The following GABRB1 variants were observed in gnomAD, a reference collection of about 807,000 sequenced individuals.
The protein encoded by GABRB1 is gamma-aminobutyric acid type A receptor subunit beta1, also known as gamma-aminobutyric acid receptor subunit beta-1.
GABRB1 carries 17 observed loss-of-function variants against 51.6 expected under a neutral mutation model. That is an observed-to-expected ratio of 0.33 (90% CI 0.23 to 0.49). The LOEUF is 0.49. Ranked by LOEUF, GABRB1 falls within the 20% of genes least tolerant of loss-of-function variation. The pLI, the probability that GABRB1 is intolerant of heterozygous loss-of-function variation, is 0.99. For synonymous variants in GABRB1, 247 were observed against 218.9 expected (o/e 1.13, Z -1.14); for missense variants, 410 against 600.6 (o/e 0.68, Z 3.32).
rs549135866 is a variant in GABRB1 at position 47,295,539 on chromosome 4, G to A, written c.462-24588G>A. Among the ~76,000 whole-genome samples the A allele has an allele frequency of 5.7e-3, 868 of 152,176 alleles. 5 individuals are homozygous for A. Among genetic ancestry groups the A allele is most frequent in the African/African-American group, 0.02 (810 of 41,468 alleles). On this transcript the variant is annotated intron_variant, in intron 4 of 8. Transcript: ENST00000295454. ...GAAGATGAAATGAATGAAATGAAGC[G>A]AGAAGGGAAGTTTAGAGAAAAAAGA...
At chr4:47,240,221 A>G (rs1721472569) in intron 4 of GABRB1, among the ~76,000 whole-genome samples, 1 of 152,212 alleles carries the variant, frequency 6.6e-6, no homozygotes, top group Non-Finnish European at 1.5e-5. Context: ...TTTCTGAGCT[A>G]GTTTTTTGAG....
At chr4:47,262,472 T>C (rs1722478318) in intron 4 of GABRB1, among the ~76,000 whole-genome samples, 2 of 152,026 alleles carry the variant, frequency 1.3e-5, no homozygotes, top group Non-Finnish European at 1.5e-5. Context: ...ATCAGAGAAA[T>C]GCAAATCAAA....
At chr4:47,032,073 C>CAAAAA (rs71654859) in intron 2 of GABRB1, 68 bp downstream of exon 2, 83 of 450,880 alleles carry the variant, frequency 1.8e-4, no homozygotes, top group Admixed American at 6.2e-4. Flanking sequence ...AGATAAATGT[C>CAAAAA]AAAAAAAAAA....
chr4:47,069,724 G>A (rs1309151612), intron 3 of GABRB1, among the ~76,000 whole-genome samples: 1 of 152,152 alleles, frequency 6.6e-6, no homozygotes, highest in African/African-American at 2.4e-5. Context: ...GATAGGTTAA[G>A]TGGAAATCTC....
chr4:47,182,180 A>C (rs1269559193), intron 4 of GABRB1, among the ~76,000 whole-genome samples: 1 of 151,970 alleles, frequency 6.6e-6, no homozygotes, highest in Non-Finnish European at 1.5e-5. Context: ...TGTTCTTGAC[A>C]GCATGAGAGC....
At chr4:47,367,473 T>C (rs985199750) in intron 5 of GABRB1, among the ~76,000 whole-genome samples, 1 of 152,204 alleles carries the variant, frequency 6.6e-6, no homozygotes, top group African/African-American at 2.4e-5. Flanking sequence ...ATGACTTCAC[T>C]GCACTTCTCT....
intron 3 of GABRB1, among the ~76,000 whole-genome samples, chr4:47,117,354 G>T (rs1715540560): frequency 6.6e-6 from 1 of 152,160 alleles, no homozygotes; most frequent in South Asian, 2.1e-4. Context: ...CTTTGCATGA[G>T]TAAGTCTCTC....
intron 3 of GABRB1, among the ~76,000 whole-genome samples, chr4:47,136,793 T>G (rs925895420): frequency 2.0e-5 from 3 of 152,078 alleles, no homozygotes; most frequent in African/African-American, 7.2e-5. Context: ...ACTTTATCTC[T>G]CCAAACTAAA....
chr4:47,360,097 T>C (rs574718127), intron 5 of GABRB1, among the ~76,000 whole-genome samples: 6 of 151,314 alleles, frequency 4.0e-5, no homozygotes, highest in African/African-American at 1.4e-4. Flanking sequence ...CACTGGCTGT[T>C]TCTACTCTCT....
At chr4:46,996,129 T>C (rs779376020) in intron 1 of GABRB1, among the ~76,000 whole-genome samples, 1 of 152,032 alleles carries the variant, frequency 6.6e-6, no homozygotes, top group African/African-American at 2.4e-5. Context: ...CTTTAACTTA[T>C]GAATATAAAT....
At chr4:47,137,889 A>G (rs1162298646) in intron 3 of GABRB1, among the ~76,000 whole-genome samples, 7 of 152,164 alleles carry the variant, frequency 4.6e-5, no homozygotes, top group African/African-American at 1.7e-4. Flanking sequence ...TAAACAAAGG[A>G]ATGCAAAAAC....
chr4:47,266,553 G>A (rs1209132866), intron 4 of GABRB1, among the ~76,000 whole-genome samples: 1 of 152,154 alleles, frequency 6.6e-6, no homozygotes, highest in African/African-American at 2.4e-5. Flanking sequence ...TCGGTCAGGA[G>A]CAGGTTGTTT....
At chr4:47,301,796 G>C (rs1247306864) in intron 4 of GABRB1, among the ~76,000 whole-genome samples, 1 of 152,002 alleles carries the variant, frequency 6.6e-6, no homozygotes, top group Non-Finnish European at 1.5e-5. Context: ...ATGCAAATTG[G>C]CAAAATTGGC....
At chr4:47,004,181 G>T (rs1425812850) in intron 1 of GABRB1, among the ~76,000 whole-genome samples, 1 of 152,012 alleles carries the variant, frequency 6.6e-6, no homozygotes, top group Non-Finnish European at 1.5e-5. Flanking sequence ...TAGAGACGGG[G>T]TTTCACCATG....
chr4:47,070,948 A>G (rs1560520435), intron 3 of GABRB1, among the ~76,000 whole-genome samples: 1 of 152,176 alleles, frequency 6.6e-6, no homozygotes, highest in Non-Finnish European at 1.5e-5. Flanking sequence ...TATTTGTCTA[A>G]TACGCATCTC....
At chr4:47,310,458 C>T (rs1724629983) in intron 4 of GABRB1, among the ~76,000 whole-genome samples, 2 of 152,108 alleles carry the variant, frequency 1.3e-5, no homozygotes, top group African/African-American at 4.8e-5. Flanking sequence ...TTACTGATAA[C>T]TAAATTAATA....
intron 8 of GABRB1, among the ~76,000 whole-genome samples, chr4:47,409,817 C>T (rs78678403): frequency 0.016 from 2,421 of 152,308 alleles, 72 homozygotes; most frequent in African/African-American, 0.056. Flanking sequence ...AAACTTTAAG[C>T]AAACACTTTC....
intron 3 of GABRB1, among the ~76,000 whole-genome samples, chr4:47,074,732 A>G (rs1300232203): frequency 6.6e-6 from 1 of 152,184 alleles, no homozygotes; most frequent in Non-Finnish European, 1.5e-5. Flanking sequence ...CTTACCTAGC[A>G]TGCGAATATA....
At chr4:47,196,624 A>T (rs1214430915) in intron 4 of GABRB1, among the ~76,000 whole-genome samples, 1 of 152,188 alleles carries the variant, frequency 6.6e-6, no homozygotes, top group Non-Finnish European at 1.5e-5. Context: ...GTGCCCTGGG[A>T]AGAAAAGGTG....
Sources: allele counts gnomAD v4.1 joint callset (sites outside exome capture counted in the v4.1 genomes callset), GRCh38; gene constraint gnomAD v4.1.1; transcripts MANE v1.5; gene names NCBI Gene and HGNC (gene_info 2026-07-23, HGNC 2026-07-21).